Variants in EXOC4 observed in about 807,000 individuals in gnomAD.
EXOC4 encodes the protein SEC8-like 1.
EXOC4 carries 71 observed loss-of-function variants against 107.2 expected under a neutral mutation model. The observed-to-expected ratio is 0.66, with a 90% CI of 0.55 to 0.81. The LOEUF is 0.81. Ranked by LOEUF, EXOC4 falls within the 30% of genes least tolerant of loss-of-function variation. EXOC4 has a pLI of 0.00. For missense variants in EXOC4, 1,108 were observed against 1,189.6 expected (o/e 0.93, Z 1.01); for synonymous variants, 456 against 441.2 (o/e 1.03, Z -0.42).
intron 6 of EXOC4, among the ~76,000 whole-genome samples, chr7:133,370,374 A>G (rs1315249634): frequency 6.6e-6 from 1 of 151,978 alleles, no homozygotes; most frequent in Non-Finnish European, 1.5e-5. Context: ...TAAAATATAC[A>G]TTGGTTTCGT....
At chr7:134,076,614 A>C in the EXOC4 span, among the ~76,000 whole-genome samples, 17 of 152,004 alleles carry the variant, frequency 1.1e-4, no homozygotes, top group East Asian at 3.9e-4. Context: ...ATATATATAT[A>C]TCTCTCTTTA....
At chr7:133,390,733 C>T (rs1796833779) in intron 7 of EXOC4, among the ~76,000 whole-genome samples, 1 of 152,144 alleles carries the variant, frequency 6.6e-6, no homozygotes, top group African/African-American at 2.4e-5. Flanking sequence ...TGGGAAACTA[C>T]AAAACTTATA....
chr7:133,520,650 T>C (rs1799961636), intron 9 of EXOC4, among the ~76,000 whole-genome samples: 1 of 152,198 alleles, frequency 6.6e-6, no homozygotes, highest in Non-Finnish European at 1.5e-5. Flanking sequence ...ATTGTTAGTT[T>C]ATATGAATCA....
intron 5 of EXOC4, among the ~76,000 whole-genome samples, chr7:133,334,123 T>A (rs967320041): frequency 1.3e-5 from 2 of 152,226 alleles, no homozygotes; most frequent in Non-Finnish European, 2.9e-5. Context: ...TAGATCTCAG[T>A]TGATTTTAAT....
At chr7:133,357,941 A>C (rs1292797886) in intron 6 of EXOC4, among the ~76,000 whole-genome samples, 1 of 152,136 alleles carries the variant, frequency 6.6e-6, no homozygotes, top group East Asian at 1.9e-4. Flanking sequence ...TAATCCCAGC[A>C]CTTTGGGAGG....
intron 10 of EXOC4, among the ~76,000 whole-genome samples, chr7:133,775,314 C>T (rs767790059): frequency 6.6e-5 from 10 of 152,110 alleles, no homozygotes; most frequent in African/African-American, 1.4e-4. Context: ...CTCAGTTAGA[C>T]GAGTGTACAT....
chr7:133,751,563 A>G (rs1299778407), intron 10 of EXOC4, among the ~76,000 whole-genome samples: 1 of 152,176 alleles, frequency 6.6e-6, no homozygotes, highest in Non-Finnish European at 1.5e-5. Context: ...GCAGGAAGGC[A>G]TAAGTTAGGT....
chr7:133,355,819 G>A (rs1218959673), intron 5 of EXOC4, among the ~76,000 whole-genome samples: 2 of 152,026 alleles, frequency 1.3e-5, no homozygotes, highest in African/African-American at 2.4e-5. Flanking sequence ...TGTCTCACTT[G>A]TATGTATTGT....
intron 14 of EXOC4, among the ~76,000 whole-genome samples, chr7:133,965,070 C>T (rs1801031476): frequency 6.6e-6 from 1 of 152,208 alleles, no homozygotes. Flanking sequence ...TTGCTTTTCT[C>T]TAATGACCAG....
intron 10 of EXOC4, among the ~76,000 whole-genome samples, chr7:133,689,767 C>T (rs972267887): frequency 6.6e-6 from 1 of 152,302 alleles, no homozygotes; most frequent in East Asian, 1.9e-4. Flanking sequence ...AGAAAGAGGG[C>T]TCAGAGGAGC....
At chr7:134,020,117 A>G (rs937659790) in intron 17 of EXOC4, among the ~76,000 whole-genome samples, 5 of 152,204 alleles carry the variant, frequency 3.3e-5, no homozygotes, top group Admixed American at 3.3e-4. Flanking sequence ...CATTAATCCA[A>G]ATGCATACAC....
At chr7:133,452,824 A>G (rs1169297929) in intron 7 of EXOC4, among the ~76,000 whole-genome samples, 1 of 152,048 alleles carries the variant, frequency 6.6e-6, no homozygotes, top group African/African-American at 2.4e-5. Context: ...ACATATGGAC[A>G]TTTGAAATAT....
chr7:133,463,062 C>T (rs1179690681), intron 7 of EXOC4, among the ~76,000 whole-genome samples: 2 of 151,980 alleles, frequency 1.3e-5, no homozygotes, highest in South Asian at 2.1e-4. Flanking sequence ...AGGATATGGC[C>T]GGTGGGAGAC....
intron 7 of EXOC4, among the ~76,000 whole-genome samples, chr7:133,381,014 G>A (rs906368628): frequency 2.6e-5 from 4 of 151,870 alleles, no homozygotes; most frequent in African/African-American, 9.7e-5. Context: ...TTTTTCTTAA[G>A]CATGTTGTGG....
At chr7:134,084,380 G>T in the EXOC4 span, among the ~76,000 whole-genome samples, 1 of 152,188 alleles carries the variant, frequency 6.6e-6, no homozygotes, top group African/African-American at 2.4e-5. Flanking sequence ...TACACAAAAA[G>T]TGCCTGAGGA....
chr7:133,811,180 G>A (rs965259741), intron 10 of EXOC4, among the ~76,000 whole-genome samples: 1 of 152,064 alleles, frequency 6.6e-6, no homozygotes, highest in African/African-American at 2.4e-5. Context: ...ATTTACAGGG[G>A]ATAGGAAACC....
chr7:133,810,617 T>TTTATG (rs1340097094), intron 10 of EXOC4, among the ~76,000 whole-genome samples: 10 of 150,354 alleles, frequency 6.7e-5, no homozygotes, highest in Admixed American at 2.6e-4. Context: ...TTTATTTTAT[T>TTTATG]TTATTTTATT....
chr7:133,612,195 G>A (rs561718262), intron 9 of EXOC4, among the ~76,000 whole-genome samples: 11 of 152,300 alleles, frequency 7.2e-5, no homozygotes, highest in African/African-American at 2.4e-4. Context: ...TGAGTTGTGA[G>A]CTTGTGCAAA....
chr7:133,640,858 TTC>T (rs72263489), intron 10 of EXOC4, among the ~76,000 whole-genome samples: 66,089 of 122,142 alleles, frequency 0.54, 15,075 homozygotes, highest in Admixed American at 0.66. Context: ...AAAATCGACA[TTC>T]TCTCTCTCTC....
Sources: gnomAD v4.1 joint callset for allele counts (sites outside exome capture counted in the v4.1 genomes callset) on GRCh38, gnomAD v4.1.1 for gene constraint, MANE v1.5 for transcripts, NCBI Gene and HGNC (gene_info 2026-07-23, HGNC 2026-07-21) for gene names.